TELO2: variants seen among roughly 807,000 people sequenced by gnomAD.
TELO2 encodes the protein telomere length regulation protein TEL2 homolog.
A neutral mutation model predicts 91.0 loss-of-function variants in TELO2; 71 were observed. The observed-to-expected ratio is 0.78, with a 90% CI of 0.64 to 0.95. The LOEUF is 0.95. TELO2 is among the 40% of genes least tolerant of loss of function. The pLI is 0.00. For synonymous variants in TELO2, 584 were observed against 518.9 expected, an observed-to-expected ratio of 1.13 and a Z score of -1.71; for missense variants, 1,183 against 1,141.3, an observed-to-expected ratio of 1.04 and a Z score of -0.53.
At chr16:1,502,492 G>A (rs2039727103) in intron 13 of TELO2, 88 bp downstream of exon 13, 4 of 1,515,290 alleles carry the variant, frequency 2.6e-6, no homozygotes, top group Admixed American at 3.7e-5. Context: ...GGTGACATAT[G>A]GCTCCCGTGT....
rs965159200 is a variant in TELO2 at position 1,497,743 on chromosome 16, G to T, written c.830+235G>T. On this transcript the variant is annotated intron_variant, in intron 5 of 20. Transcript: ENST00000262319. This position sits in a 1 kb window ranked among gnomAD's most constrained non-coding sequence, Gnocchi z 4.0. ...ATCGATGCTGTGAACAGCCCACACC[G>T]TAAAGGCGCCTGTACCTTGGGCCGT... Among the ~76,000 whole-genome samples, 2 of 152,180 alleles carry T rather than the reference G, an allele frequency of 1.3e-5. No individual in the cohort carries two copies. Among genetic ancestry groups the T allele is most frequent in the Non-Finnish European group, 2.9e-5 (2 of 68,038 alleles).
chr16:1,502,225 T>C, intron 12 of TELO2, 88 bp from the exon 13 acceptor site: 2 of 1,579,994 alleles, frequency 1.3e-6, no homozygotes, highest in South Asian at 2.3e-5. Context: ...CGGGAAGCCC[T>C]GGGCCCGGGG....
intron 15 of TELO2, among the ~76,000 whole-genome samples, chr16:1,504,809 A>G (rs921663781): frequency 1.3e-5 from 2 of 152,024 alleles, no homozygotes; most frequent in East Asian, 1.9e-4. Flanking sequence ...CGCCCGCCTC[A>G]GCCGTAACTG....
chr16:1,508,729 T>C (rs1258200336), intron 20 of TELO2, among the ~76,000 whole-genome samples: 4 of 152,180 alleles, frequency 2.6e-5, no homozygotes, highest in African/African-American at 9.7e-5. Flanking sequence ...GAACGGGTGT[T>C]TCCCATGGGG....
At position 1,497,391 on chromosome 16, in the gene TELO2, T is replaced by C. The variant is rs1396514905; in HGVS notation, c.713T>C (p.Leu238Pro). 7 of 1,550,174 alleles carry C rather than the reference T, an allele frequency of 4.5e-6. No homozygotes were observed. Among genetic ancestry groups the C allele is most frequent in the Non-Finnish European group, 5.2e-6 (6 of 1,147,128 alleles). The part of the protein sequence containing the change: ...QEILGVLVPR[L>P]AALTQGSYLH... ...ATCCTGGGCGTGCTGGTACCCCGGCTGGCAGCGCTCACCCAGGGCAGCTAC... is the reference window on the plus strand; with the variant it reads ...ATCCTGGGCGTGCTGGTACCCCGGCCGGCAGCGCTCACCCAGGGCAGCTAC... Residue 238 changes from leucine to proline, a missense_variant, in exon 5 of 21, where the codon CTG (leucine) becomes CCG (proline). Transcript: ENST00000262319. The surrounding 1 kb of genome is among the most constrained non-coding windows in gnomAD (Gnocchi z 4.0).
chr16:1,502,054 G>C lies in TELO2; in HGVS notation c.1480G>C (p.Glu494Gln), dbSNP rs2039707880. 6.2e-7 allele frequency: 1 copy of C among 1,613,338 alleles called. No individual in the cohort carries two copies. The highest frequency in any genetic ancestry group is 1.3e-5 in the African/African-American group (1 of 75,080). The change falls in exon 12 of 21, where the codon GAG becomes CAG. Residue 494 changes from glutamate (E) to glutamine (Q), a missense_variant. Glu to Gln is a conservative substitution (Grantham distance 29, BLOSUM62 2). Coordinates refer to ENST00000262319, the MANE Select transcript of TELO2 (RefSeq NM_016111.4). ...GSDSDLDSDD[E>Q]FVPYDMSGDR... is the part of the protein sequence containing the mutation. Reference sequence around the variant, plus strand: ...TGCTTTGCTCTCCCACAGCGATGATGAGTTTGTCCCCTACGACATGTCGGG... The same window carrying C: ...TGCTTTGCTCTCCCACAGCGATGATCAGTTTGTCCCCTACGACATGTCGGG...
chr16:1,507,102 G>T, intron 18 of TELO2, 51 bp downstream of exon 18: 1 of 1,549,600 alleles, frequency 6.5e-7, no homozygotes, highest in South Asian at 1.2e-5. Flanking sequence ...CATGGATCAG[G>T]AGCGCTCCTC....
chr16:1,506,522 C>A (rs1049418336), intron 17 of TELO2, 193 bp downstream of exon 17: 14 of 1,444,112 alleles, frequency 9.7e-6, no homozygotes, highest in Non-Finnish European at 1.2e-5. Context: ...TGAGCTTTGC[C>A]ATGAGGCACC....
At chr16:1,504,782 C>T (rs2039830397) in intron 15 of TELO2, among the ~76,000 whole-genome samples, 1 of 151,946 alleles carries the variant, frequency 6.6e-6, no homozygotes, top group Non-Finnish European at 1.5e-5. Context: ...TGGTCTCAAT[C>T]TCCTGACCTC....
At chr16:1,496,188 T>A (rs1353702657) in intron 3 of TELO2, among the ~76,000 whole-genome samples, 1 of 152,200 alleles carries the variant, frequency 6.6e-6, no homozygotes, top group African/African-American at 2.4e-5. Flanking sequence ...GTCGAGCACC[T>A]GGGTCCGGAC....
intron 3 of TELO2, 91 bp from the exon 4 acceptor site, chr16:1,496,945 T>A: frequency 3.0e-6 from 4 of 1,324,974 alleles, no homozygotes; most frequent in Non-Finnish European, 3.2e-6. Context: ...TCGGTTGGAG[T>A]CCGCCTGACC....
rs377266015 is a variant in TELO2 at position 1,494,518 on chromosome 16, C to A, written c.237C>A (p.Pro79=). 5 of 1,613,314 alleles carry A rather than the reference C, an allele frequency of 3.1e-6. No homozygotes were observed. The highest frequency in any genetic ancestry group is 4.2e-6 in the Non-Finnish European group (5 of 1,179,920). The change falls in exon 2 of 21, where the codon CCC becomes CCA. Residue 79 remains proline, a synonymous_variant. Coordinates refer to ENST00000262319, the MANE Select transcript of TELO2 (RefSeq NM_016111.4). The surrounding 1 kb of genome is among the most constrained non-coding windows in gnomAD (Gnocchi z 5.6). ...RLSPAWLELL[P]HGRLEELWAS... ...GCCCAGCCTGGCTGGAGCTGCTGCC[C>A]CATGGCCGCCTGGAGGAGCTGTGGG...
chr16:1,502,575 G>T, intron 13 of TELO2, 70 bp from the exon 14 acceptor site: 1 of 1,564,870 alleles, frequency 6.4e-7, no homozygotes, highest in Non-Finnish European at 8.7e-7. Flanking sequence ...CTCCGGCCCT[G>T]TGAGCCTCGG....
intron 10 of TELO2, 78 bp downstream of exon 10, chr16:1,501,577 G>T: frequency 1.3e-6 from 2 of 1,566,120 alleles, no homozygotes; most frequent in Non-Finnish European, 1.7e-6. Context: ...ATGGGAGGGG[G>T]GAAACCCTTT....
chr16:1,495,443 A>C lies in TELO2; in HGVS notation c.433A>C (p.Thr145Pro), dbSNP rs746817237. Residue 145 changes from threonine to proline, a missense_variant, in exon 3 of 21, where the codon ACG becomes CCG. Physicochemically the swap from Thr to Pro is conservative, Grantham distance 38. Transcript: ENST00000262319. ...VLMEAQCRQQ[T>P]QPGFILLRET... ...GATGGAGGCGCAGTGTCGGCAGCAG[A>C]CGCAGCCCGGCTTCATCCTGCTCCG... 2 of 1,604,302 alleles carry C rather than the reference A, an allele frequency of 1.2e-6. No homozygotes were observed. The highest frequency in any genetic ancestry group is 1.7e-6 in the Non-Finnish European group (2 of 1,176,690).
intron 19 of TELO2, 24 bp from the exon 20 acceptor site, chr16:1,507,577 C>G: frequency 6.4e-7 from 1 of 1,562,322 alleles, no homozygotes; most frequent in Non-Finnish European, 8.6e-7. Flanking sequence ...CTGCCGAGCT[C>G]AGCCCCCGCC....
At chr16:1,507,887 TGTGTGTGA>T (rs1567308031) in intron 20 of TELO2, among the ~76,000 whole-genome samples, 171 bp downstream of exon 20, 3 of 107,808 alleles carry the variant, frequency 2.8e-5, no homozygotes, top group Non-Finnish European at 3.7e-5. Context: ...TGTGTGTGTG[TGTGTGTGA>T]TGTGTGTCGG....
At position 1,497,375 on chromosome 16, in the gene TELO2, G is replaced by A. The variant is rs915419523; in HGVS notation, c.697G>A (p.Val233Met). 17 of 1,548,016 alleles carry A rather than the reference G, an allele frequency of 1.1e-5. No homozygotes were observed. Among genetic ancestry groups the A allele is most frequent in the South Asian group, 3.6e-5 (3 of 83,806 alleles). Residue 233 changes from valine to methionine, a missense_variant, in exon 5 of 21, where the codon GTG (valine) becomes ATG (methionine). Transcript: ENST00000262319. This position sits in a 1 kb window ranked among gnomAD's most constrained non-coding sequence, Gnocchi z 4.0. ...TGTCCCCTCAGAGGAGATCCTGGGC[G>A]TGCTGGTACCCCGGCTGGCAGCGCT... Reference protein sequence around the residue: ...VHGRQQEILGVLVPRLAALTQ... With the variant: ...VHGRQQEILGMLVPRLAALTQ...
At position 1,505,403 on chromosome 16, in the gene TELO2, C is replaced by T. The variant is rs2039853423; in HGVS notation, c.1843-7C>T. The T allele has an allele frequency of 1.2e-6, 2 of 1,606,190 alleles. No individual in the cohort carries two copies. The highest frequency in any genetic ancestry group is 1.7e-6 in the Non-Finnish European group (2 of 1,174,768). ...GTGGCGACGGCCCTGGGCCTGTCTC[C>T]CTCCAGGTGCTGACTCTGGCTGCCC... On this transcript the variant is annotated splice_region_variant and splice_polypyrimidine_tract_variant and intron_variant, in intron 15 of 20. Coordinates refer to ENST00000262319, the MANE Select transcript of TELO2 (RefSeq NM_016111.4). This position sits in a 1 kb window ranked among gnomAD's most constrained non-coding sequence, Gnocchi z 4.3.
Sources: allele counts gnomAD v4.1 joint callset (sites outside exome capture counted in the v4.1 genomes callset), GRCh38; gene constraint gnomAD v4.1.1; non-coding constraint Gnocchi (gnomAD v3.1); transcripts MANE v1.5; gene names NCBI Gene and HGNC (gene_info 2026-07-23, HGNC 2026-07-21).